Variants in HUNK observed in about 807,000 individuals in gnomAD.
HUNK encodes the protein hormonally up-regulated neu tumor-associated kinase.
Under a neutral mutation model 61.0 loss-of-function variants are expected in HUNK, and 21 were observed. That is an observed-to-expected ratio of 0.34 (90% CI 0.24 to 0.50). The LOEUF is 0.50. Among genes scored for constraint, HUNK ranks in the 20% least tolerant of loss-of-function variants. The pLI is 0.98. For missense variants in HUNK, 772 were observed against 945.7 expected (o/e 0.82, Z 2.41); for synonymous variants, 371 against 386.1 (o/e 0.96, Z 0.46).
intron 1 of HUNK, among the ~76,000 whole-genome samples, chr21:31,919,803 TGAG>T (rs2052611377): frequency 6.6e-6 from 1 of 151,780 alleles, no homozygotes; most frequent in African/African-American, 2.4e-5. Context: ...AGGGCTAGAG[TGAG>T]GAGGAGAGAG....
At chr21:31,960,746 G>T (rs916788114) in intron 5 of HUNK, among the ~76,000 whole-genome samples, 2 of 152,130 alleles carry the variant, frequency 1.3e-5, no homozygotes, top group African/African-American at 4.8e-5. Context: ...AGCATGAACT[G>T]CCTCCATGAT....
intron 1 of HUNK, among the ~76,000 whole-genome samples, chr21:31,891,074 T>C (rs1393685074): frequency 6.6e-6 from 1 of 151,350 alleles, no homozygotes; most frequent in African/African-American, 2.4e-5. Flanking sequence ...CCAGACAAAA[T>C]GGAAGTGAGG....
chr21:31,951,867 T>C (rs1477176733), intron 4 of HUNK, among the ~76,000 whole-genome samples: 5 of 152,172 alleles, frequency 3.3e-5, no homozygotes, highest in African/African-American at 1.2e-4. Flanking sequence ...AAGGATGGTA[T>C]TAGTGTTTTC....
intron 1 of HUNK, among the ~76,000 whole-genome samples, chr21:31,913,172 G>T (rs773644547): frequency 4.6e-5 from 7 of 152,132 alleles, no homozygotes; most frequent in Non-Finnish European, 5.9e-5. Context: ...GCAGCTAAGC[G>T]TGTGTGTGAT....
chr21:31,874,112 G>A (rs1231118480), intron 1 of HUNK, among the ~76,000 whole-genome samples, 177 bp downstream of exon 1: 2 of 206 alleles, frequency 9.7e-3, no homozygotes, highest in African/African-American at 0.048. Context: ...AGCCTTTCCC[G>A]AAGGCGGCCT....
intron 6 of HUNK, chr21:31,974,222 G>C (rs1039578313): frequency 5.6e-6 from 1 of 178,714 alleles, no homozygotes; most frequent in African/African-American, 2.4e-5. Flanking sequence ...GTATGTTGAT[G>C]GTATTGCGGT....
At chr21:31,968,939 C>T (rs575856874) in intron 6 of HUNK, among the ~76,000 whole-genome samples, 3 of 151,624 alleles carry the variant, frequency 2.0e-5, no homozygotes, top group African/African-American at 7.3e-5. Context: ...AGTGCAGTGG[C>T]GTAATCTCAG....
At chr21:31,996,754 C>G (rs2053208744) in intron 10 of HUNK, among the ~76,000 whole-genome samples, 1 of 152,172 alleles carries the variant, frequency 6.6e-6, no homozygotes, top group Non-Finnish European at 1.5e-5. Flanking sequence ...CCGTGGCTGT[C>G]TGAGATACAC....
intron 5 of HUNK, among the ~76,000 whole-genome samples, chr21:31,966,519 T>TG (rs1368094934): frequency 6.6e-6 from 1 of 152,280 alleles, no homozygotes; most frequent in East Asian, 1.9e-4. Flanking sequence ...ACCCTGGTGG[T>TG]GGGTTGACCA....
intron 5 of HUNK, among the ~76,000 whole-genome samples, chr21:31,963,590 G>A (rs1433674715): frequency 3.3e-5 from 5 of 152,138 alleles, no homozygotes; most frequent in South Asian, 2.1e-4. Context: ...CTCGGCCTCC[G>A]AAACCAAGCA....
chr21:31,945,617 A>G (rs1001456053), intron 3 of HUNK, among the ~76,000 whole-genome samples: 1 of 152,272 alleles, frequency 6.6e-6, no homozygotes, highest in South Asian at 2.1e-4. Flanking sequence ...GAGAGAATCA[A>G]TCTTCCCTCA....
At chr21:31,980,689 G>T (rs748060046) in intron 7 of HUNK, among the ~76,000 whole-genome samples, 23 of 152,012 alleles carry the variant, frequency 1.5e-4, no homozygotes, top group Non-Finnish European at 3.2e-4. Context: ...GAGCCACCAT[G>T]CCCGGCCTGG....
chr21:31,933,015 G>A (rs565576793), intron 2 of HUNK, among the ~76,000 whole-genome samples: 4 of 150,822 alleles, frequency 2.7e-5, no homozygotes, highest in South Asian at 2.1e-4. Flanking sequence ...AGGTTCAAGC[G>A]ATGCTCATGC....
rs146904601 is a variant in HUNK at position 31,920,903 on chromosome 21, G to A, written c.262-3565G>A. On this transcript the variant is annotated intron_variant, in intron 1 of 10. Coordinates refer to ENST00000270112, the MANE Select transcript of HUNK (RefSeq NM_014586.2). ...ACGGTGGCTCATTCCTATAATCCCCGCACTTGGGGAGGCCAAGGTGGGCGG... is the reference window on the plus strand; with the variant it reads ...ACGGTGGCTCATTCCTATAATCCCCACACTTGGGGAGGCCAAGGTGGGCGG... 2.8e-3 allele frequency among the ~76,000 whole-genome samples: 420 copies of A among 152,240 alleles called. 5 individuals are homozygous for A. Among genetic ancestry groups the A allele is most frequent in the African/African-American group, 9.5e-3 (393 of 41,558 alleles).
rs560597760 is a variant in HUNK at position 31,990,004 on chromosome 21, C to A, written c.1258-125C>A. 5.2e-5 allele frequency: 44 copies of A among 840,206 alleles called. No homozygotes were observed. The South Asian group carries it at 6.1e-4, about 12-fold the overall frequency. The allele number at this position is 840,206 out of a possible 1,614,324, so 52.0% of individuals were successfully genotyped here. On this transcript the variant is annotated intron_variant, in intron 8 of 10. Transcript: ENST00000270112. ...ACTTCCATGGCAATTTCAGGATTTG[C>A]TTTCTGTCTATGAAAACCGAAACGA...
At position 32,003,544 on chromosome 21, in the gene HUNK, G is replaced by A. The variant is rs2053259669; in HGVS notation, c.*4360G>A. 1 of 152,200 alleles carries A rather than the reference G, an allele frequency of 6.6e-6. No homozygotes were observed. The highest frequency in any genetic ancestry group is 2.4e-5 in the African/African-American group (1 of 41,442). The allele number at this position is 152,200 out of a possible 1,614,324, so 9.4% of individuals were successfully genotyped here. The stretch of plus-strand genomic sequence containing the variant: ...ATTTTCTTTGTGGGGTCTTCTGTGA[G>A]CTACAGGCACAGTAAGAATAATTCA... On this transcript the variant is annotated 3_prime_UTR_variant, in exon 11 of 11. Coordinates refer to ENST00000270112, the MANE Select transcript of HUNK (RefSeq NM_014586.2).
At chr21:31,993,994 C>T (rs891033074) in intron 9 of HUNK, among the ~76,000 whole-genome samples, 1 of 152,182 alleles carries the variant, frequency 6.6e-6, no homozygotes, top group African/African-American at 2.4e-5. Context: ...ACAACATCAA[C>T]TTCAGGGCCG....
chr21:31,996,028 G>A (rs1298224913), intron 10 of HUNK, 80 bp downstream of exon 10: 11 of 1,055,028 alleles, frequency 1.0e-5, no homozygotes, highest in Admixed American at 5.1e-5. Flanking sequence ...GGGGATGGTC[G>A]AATGGGCCCT....
At chr21:31,878,489 C>G (rs539132502) in intron 1 of HUNK, among the ~76,000 whole-genome samples, 9 of 151,974 alleles carry the variant, frequency 5.9e-5, no homozygotes, top group Non-Finnish European at 1.3e-4. Flanking sequence ...AATCCCAGCA[C>G]TTTGGGAGGC....
Sources: allele counts gnomAD v4.1 joint callset (sites outside exome capture counted in the v4.1 genomes callset), GRCh38; gene constraint gnomAD v4.1.1; transcripts MANE v1.5; gene names NCBI Gene and HGNC (gene_info 2026-07-23, HGNC 2026-07-21).